TMPRSS4: variants seen among roughly 807,000 people sequenced by gnomAD.
TMPRSS4 encodes the protein transmembrane serine protease 4.
In TMPRSS4, 45 loss-of-function variants were observed where a neutral mutation model predicts 56.4. That is an observed-to-expected ratio of 0.80 (90% CI 0.63 to 1.02). The LOEUF (loss-of-function observed/expected upper bound fraction) is 1.02, where lower values mean the gene tolerates loss of function less well. Among genes scored for constraint, TMPRSS4 ranks in the 50% least tolerant of loss-of-function variants. The pLI is 0.00. For synonymous variants in TMPRSS4, 205 were observed against 211.0 expected, an observed-to-expected ratio of 0.97 and a Z score of 0.25; for missense variants, 546 against 556.7, an observed-to-expected ratio of 0.98 and a Z score of 0.19.
At chr11:118,081,550 G>GA (rs1027833107) in intron 1 of TMPRSS4, among the ~76,000 whole-genome samples, 3 of 152,248 alleles carry the variant, frequency 2.0e-5, no homozygotes, top group African/African-American at 7.2e-5. Flanking sequence ...GGTAGCAGAT[G>GA]AAAGGAACAC....
At chr11:118,107,999 T>G in intron 6 of TMPRSS4, 124 bp downstream of exon 6, 3 of 715,102 alleles carry the variant, frequency 4.2e-6, no homozygotes, top group Non-Finnish European at 4.8e-6. Flanking sequence ...CAGGAAGAAC[T>G]CCTAGCCAGA....
intron 3 of TMPRSS4, among the ~76,000 whole-genome samples, chr11:118,099,677 T>C (rs911069976): frequency 1.3e-5 from 2 of 152,126 alleles, no homozygotes; most frequent in African/African-American, 4.8e-5. Context: ...CCACGCCCCC[T>C]GCCCCCTCCT....
At chr11:118,124,201 A>G (rs539281400), downstream of TMPRSS4, among the ~76,000 whole-genome samples, 5 of 152,236 alleles carry the variant, frequency 3.3e-5, no homozygotes, top group African/African-American at 1.2e-4. Context: ...CCTGGCCAAC[A>G]TGTTGAAACC....
intron 12 of TMPRSS4, 72 bp downstream of exon 12, chr11:118,117,526 A>G: frequency 1.3e-6 from 2 of 1,540,738 alleles, no homozygotes; most frequent in Non-Finnish European, 1.8e-6. Context: ...ATCCATCCTC[A>G]GGTTTGATTT....
At chr11:118,124,234 T>A (rs751112489), downstream of TMPRSS4, among the ~76,000 whole-genome samples, 2 of 151,656 alleles carry the variant, frequency 1.3e-5, no homozygotes, top group Non-Finnish European at 2.9e-5. Flanking sequence ...AAAATACAAA[T>A]ATTAGCTGGG....
intron 2 of TMPRSS4, among the ~76,000 whole-genome samples, chr11:118,096,999 AG>A (rs1946409377): frequency 7.8e-6 from 1 of 127,540 alleles, no homozygotes; most frequent in South Asian, 2.7e-4. Context: ...AAAGAAAGAA[AG>A]AAAGAAAGAA....
chr11:118,115,286 G>A lies in TMPRSS4; in HGVS notation c.1152+6G>A, dbSNP rs770577101. On this transcript the variant is annotated splice_donor_region_variant and intron_variant, in intron 11 of 12. Coordinates refer to ENST00000437212, the MANE Select transcript of TMPRSS4 (RefSeq NM_019894.4). ...GGGGTGTGGACACCTGCCAGGTGGG[G>A]CCTCCAAGAATCATGGGGAGTTCTA... The A allele has an allele frequency of 8.7e-6, 14 of 1,611,866 alleles. No individual in the cohort carries two copies. The highest frequency in any genetic ancestry group is 1.1e-5 in the Non-Finnish European group (13 of 1,179,668).
chr11:118,112,379 C>CTTT (rs71469160), intron 8 of TMPRSS4, among the ~76,000 whole-genome samples: 720 of 45,740 alleles, frequency 0.016, 137 homozygotes, highest in East Asian at 0.054. Context: ...ACCCCCTTCA[C>CTTT]TTTTTTTTTT....
intron 1 of TMPRSS4, among the ~76,000 whole-genome samples, chr11:118,086,222 G>A (rs1052740143): frequency 5.3e-5 from 8 of 152,208 alleles, no homozygotes; most frequent in African/African-American, 1.7e-4. Context: ...AGCTATGCCC[G>A]AACACAAAAG....
chr11:118,095,910 A>G (rs546446430), intron 2 of TMPRSS4, among the ~76,000 whole-genome samples: 2 of 152,304 alleles, frequency 1.3e-5, no homozygotes, highest in Admixed American at 6.5e-5. Context: ...GCCGGCAAGG[A>G]GGCTGTTCAT....
rs1187775576 is a variant in TMPRSS4, at chr11:118,113,310, C to T, written c.785C>T (p.Ser262Leu). Residue 262 changes from serine (S) to leucine (L), a missense_variant, in exon 9 of 13, where the codon TCA becomes TTA. Physicochemically the swap from Ser to Leu is moderately radical, Grantham distance 145. Transcript: ENST00000437212. ...TTCAACTGGAAGGTGCGGGCAGGCT[C>T]AGACAAACTGGGCAGCTTCCCATCC... ...DVFNWKVRAG[S>L]DKLGSFPSLA... 8.7e-6 allele frequency: 14 copies of T among 1,614,032 alleles called. No individual in the cohort carries two copies. Among genetic ancestry groups the T allele is most frequent in the Non-Finnish European group, 1.1e-5 (13 of 1,180,040 alleles).
intron 1 of TMPRSS4, among the ~76,000 whole-genome samples, chr11:118,084,524 G>A (rs893218644): frequency 1.3e-5 from 2 of 152,238 alleles, no homozygotes; most frequent in African/African-American, 2.4e-5. Context: ...GAGATTGGCT[G>A]CAGCAGCCAC....
At position 118,077,258 on chromosome 11, in the gene TMPRSS4, C is replaced by G; in HGVS notation, c.-45C>G. On this transcript the variant is annotated 5_prime_UTR_variant, in exon 1 of 13. It adds an upstream start codon to the 5' untranslated region. Transcript: ENST00000437212. ...CCTCCTGCTGCCTTGGGGTGACAATCTCAGCTCCAGGCTACAGGGAGACCG... is the reference window on the plus strand; with the variant it reads ...CCTCCTGCTGCCTTGGGGTGACAATGTCAGCTCCAGGCTACAGGGAGACCG... 6.3e-7 allele frequency: 1 copy of G among 1,590,932 alleles called. No individual in the cohort carries two copies. Among genetic ancestry groups the G allele is most frequent in the South Asian group, 1.1e-5 (1 of 87,006 alleles).
chr11:118,099,792 G>A (rs1946645473), intron 3 of TMPRSS4, among the ~76,000 whole-genome samples: 1 of 152,146 alleles, frequency 6.6e-6, no homozygotes, highest in African/African-American at 2.4e-5. Flanking sequence ...CAGCAGGGAA[G>A]ACCCCCCAGG....
At chr11:118,116,466 AG>A (rs1271441944) in intron 11 of TMPRSS4, among the ~76,000 whole-genome samples, 2 of 152,220 alleles carry the variant, frequency 1.3e-5, no homozygotes, top group African/African-American at 4.8e-5. Flanking sequence ...AGGAAGCCCC[AG>A]GGGCTAAAAC....
chr11:118,085,392 T>C (rs541177184), intron 1 of TMPRSS4, among the ~76,000 whole-genome samples: 239 of 151,986 alleles, frequency 1.6e-3, no homozygotes, highest in Non-Finnish European at 2.8e-3. Context: ...CCCAGCTAAT[T>C]TTTTGTATTT....
In TMPRSS4 at chr11:118,099,028, C is replaced by G; in HGVS notation, c.87C>G (p.Phe29Leu). 1 of 1,613,998 alleles carries G rather than the reference C, an allele frequency of 6.2e-7. No individual in the cohort carries two copies. The highest frequency in any genetic ancestry group is 8.5e-7 in the Non-Finnish European group (1 of 1,179,954). Residue 29 changes from phenylalanine to leucine, a missense_variant, in exon 3 of 13, where the codon TTC becomes TTG. Coordinates refer to ENST00000437212, the MANE Select transcript of TMPRSS4 (RefSeq NM_019894.4). ...AACCCCGTATCCCCATGGAGACCTT[C>G]AGAAAGGTGGGGATCCCCATCATCA... is the stretch of plus-strand genomic sequence containing the variant. ...LRKPRIPMET[F>L]RKVGIPIIIA...
chr11:118,116,876 T>C (rs572937056), intron 11 of TMPRSS4, among the ~76,000 whole-genome samples: 1 of 152,124 alleles, frequency 6.6e-6, no homozygotes, highest in East Asian at 1.9e-4. Flanking sequence ...TATGCCCAGC[T>C]AATTTTTGTA....
At chr11:118,103,855 C>T (rs949293262) in intron 4 of TMPRSS4, among the ~76,000 whole-genome samples, 3 of 152,214 alleles carry the variant, frequency 2.0e-5, no homozygotes, top group African/African-American at 4.8e-5. Flanking sequence ...GAGGGCTAGA[C>T]TGGGTGACCT....
Sources: gnomAD v4.1 joint callset for allele counts (sites outside exome capture counted in the v4.1 genomes callset) on GRCh38, gnomAD v4.1.1 for gene constraint, MANE v1.5 for transcripts, NCBI Gene and HGNC (gene_info 2026-07-23, HGNC 2026-07-21) for gene names.